Variants in NXN observed in about 807,000 individuals in gnomAD.
The protein encoded by NXN is nucleoredoxin.
A neutral mutation model predicts 48.6 loss-of-function variants in NXN; 16 were observed. That is an observed-to-expected ratio of 0.33 (90% CI 0.22 to 0.50). The LOEUF is 0.50. Among genes scored for constraint, NXN ranks in the 20% least tolerant of loss-of-function variants. The pLI is 0.98. For missense variants in NXN, 492 were observed against 605.5 expected (o/e 0.81, Z 1.97); for synonymous variants, 281 against 269.6 (o/e 1.04, Z -0.41).
chr17:941,334 T>G (rs1379047574), intron 1 of NXN, among the ~76,000 whole-genome samples: 2 of 147,926 alleles, frequency 1.4e-5, no homozygotes, highest in Non-Finnish European at 1.5e-5. Context: ...AGCCATGAAT[T>G]CACCACACAC....
intron 1 of NXN, among the ~76,000 whole-genome samples, chr17:843,997 G>A (rs2067830369): frequency 6.6e-6 from 1 of 152,234 alleles, no homozygotes; most frequent in Admixed American, 6.5e-5. Flanking sequence ...TGTCGCTTTG[G>A]GGAATCTGCT....
chr17:928,517 C>G (rs1202764960), intron 1 of NXN, among the ~76,000 whole-genome samples: 2 of 152,172 alleles, frequency 1.3e-5, no homozygotes, highest in African/African-American at 2.4e-5. Flanking sequence ...GTGCTCATCT[C>G]AACATTATCC....
chr17:853,919 T>A (rs1042104772), intron 1 of NXN, among the ~76,000 whole-genome samples: 13 of 151,642 alleles, frequency 8.6e-5, no homozygotes, highest in South Asian at 2.1e-4. Flanking sequence ...ACGGGGTTTC[T>A]CCATGTTAGC....
At chr17:954,932 CAT>C (rs1211249553) in intron 1 of NXN, among the ~76,000 whole-genome samples, 1 of 152,174 alleles carries the variant, frequency 6.6e-6, no homozygotes. Context: ...AGTGAGGTAA[CAT>C]GTTTGTTTTT....
Position 823,772 on chromosome 17 carries a change from C to T in NXN, c.479-7G>A. On this transcript the variant is annotated splice_region_variant and splice_polypyrimidine_tract_variant and intron_variant, in intron 2 of 7. Transcript: ENST00000336868. Reference sequence around the variant, plus strand: ...CCCCAGGGGAACTCCAGACCTGAAACAGAAAACAGATGGTAAAAGAGGGCT... The same window carrying T: ...CCCCAGGGGAACTCCAGACCTGAAATAGAAAACAGATGGTAAAAGAGGGCT... 1 of 1,614,086 alleles carries T rather than the reference C, an allele frequency of 6.2e-7. No individual in the cohort carries two copies. The highest frequency in any genetic ancestry group is 1.3e-5 in the African/African-American group (1 of 75,024).
intron 1 of NXN, among the ~76,000 whole-genome samples, chr17:891,581 AGTG>A (rs2068416911): frequency 6.6e-6 from 1 of 152,244 alleles, no homozygotes; most frequent in African/African-American, 2.4e-5. Context: ...AAACTGAGGC[AGTG>A]AGAGGCTATG....
At chr17:814,319 G>GCCA (rs1912348095) in intron 5 of NXN, among the ~76,000 whole-genome samples, 2 of 152,076 alleles carry the variant, frequency 1.3e-5, no homozygotes, top group Non-Finnish European at 2.9e-5. Context: ...AGTTTCAGGT[G>GCCA]ACCCCCTGGC....
intron 1 of NXN, chr17:930,000 G>A (rs925700608): frequency 8.6e-5 from 13 of 151,082 alleles, no homozygotes; most frequent in Non-Finnish European, 1.3e-4. Flanking sequence ...AATCAATGAC[G>A]GGGGTTAGAA....
rs1265037984 is a variant in NXN, at chr17:825,573, T to C, written c.478+388A>G. On this transcript the variant is annotated intron_variant, in intron 2 of 7. Coordinates refer to ENST00000336868, the MANE Select transcript of NXN (RefSeq NM_022463.5). The surrounding 1 kb of genome is among the most constrained non-coding windows in gnomAD (Gnocchi z 4.1). ...CGGGGGCTGGGACTTCGCTATGTAA[T>C]GTTTTAAAGAGGAAAAACCCCACTC... The C allele has an allele frequency of 5.6e-6, 1 of 177,670 alleles. No individual in the cohort carries two copies. Among genetic ancestry groups the C allele is most frequent in the Non-Finnish European group, 1.2e-5 (1 of 83,256 alleles). The allele number at this position is 177,670 out of a possible 1,614,324, so 11.0% of individuals were successfully genotyped here. A position where few individuals can be genotyped will look rare whatever the true frequency, so the allele number is the denominator to read the frequency against.
chr17:874,463 C>G (rs555014307), intron 1 of NXN, among the ~76,000 whole-genome samples: 155 of 152,292 alleles, frequency 1.0e-3, no homozygotes, highest in Non-Finnish European at 2.0e-3. Context: ...AGGCACCTGT[C>G]ATCCCAGCTA....
At chr17:812,787 T>G (rs1912187371) in intron 5 of NXN, among the ~76,000 whole-genome samples, 1 of 149,746 alleles carries the variant, frequency 6.7e-6, no homozygotes, top group Non-Finnish European at 1.5e-5. Flanking sequence ...TGTGCATGTG[T>G]GTAGGTGTGT....
rs1189795114 is a variant in NXN at position 841,597 on chromosome 17, T to C, written c.361-15519A>G. Among the ~76,000 whole-genome samples the C allele has an allele frequency of 8.1e-4, 69 of 85,540 alleles. 7 individuals are homozygous for C. The highest frequency in any genetic ancestry group is 4.2e-3 in the African/African-American group (66 of 15,616). 56.1% of individuals were successfully genotyped at this position (85,540 alleles called of 152,430 possible). A position where few individuals can be genotyped will look rare whatever the true frequency, so the allele number is the denominator to read the frequency against. ...GGAGCATCTCACGCCGGCGAGCAGG[T>C]CCCCCCGACCACAGAGCATCTCACA... On this transcript the variant is annotated intron_variant, in intron 1 of 7. Coordinates refer to ENST00000336868, the MANE Select transcript of NXN (RefSeq NM_022463.5).
rs1419840571 is a variant in NXN at position 956,089 on chromosome 17, A to G, written c.360+23230T>C. On this transcript the variant is annotated intron_variant, in intron 1 of 7. Transcript: ENST00000336868. This position sits in a 1 kb window ranked among gnomAD's most constrained non-coding sequence, Gnocchi z 4.1. ...TATCATTCAGTGACTGCATTGTTCAATATTTTGAAATAAGGGCATTTAATT... is the reference window on the plus strand; with the variant it reads ...TATCATTCAGTGACTGCATTGTTCAGTATTTTGAAATAAGGGCATTTAATT... Among the ~76,000 whole-genome samples, 1 of 152,166 alleles carries G rather than the reference A, an allele frequency of 6.6e-6. No homozygotes were observed. Among genetic ancestry groups the G allele is most frequent in the East Asian group, 1.9e-4 (1 of 5,190 alleles).
At chr17:811,970 C>T (rs541390764) in intron 5 of NXN, among the ~76,000 whole-genome samples, 104 of 138,888 alleles carry the variant, frequency 7.5e-4, no homozygotes, top group Non-Finnish European at 1.3e-3. Context: ...CTCTGTCGCC[C>T]AGGCTGGAGT....
chr17:979,436 C>T lies in NXN; in HGVS notation c.243G>A (p.Glu81=), dbSNP rs946552751. ...AGACGATCTCCAGGCGCCGCCGCGG[C>T]TCGGGCTCCGCCGCCGCCCCGGCCC... ...GAGAGAAAEP[E]PRRRLEIVFV... is the part of the protein sequence containing the mutation. Residue 81 remains glutamate (E), a synonymous_variant, in exon 1 of 8, where the codon GAG becomes GAA. Coordinates refer to ENST00000336868, the MANE Select transcript of NXN (RefSeq NM_022463.5). 5 of 1,303,900 alleles carry T rather than the reference C, an allele frequency of 3.8e-6. No homozygotes were observed. The highest frequency in any genetic ancestry group is 2.9e-5 in the Admixed American group (1 of 34,696). The allele number at this position is 1,303,900 out of a possible 1,614,324, so 80.8% of individuals were successfully genotyped here. A position where few individuals can be genotyped will look rare whatever the true frequency, so the allele number is the denominator to read the frequency against.
chr17:870,462 G>A (rs567044562), intron 1 of NXN, among the ~76,000 whole-genome samples: 26 of 152,286 alleles, frequency 1.7e-4, no homozygotes, highest in Admixed American at 1.4e-3. Flanking sequence ...AAAAATCCTG[G>A]CTGAGTTCAG....
intron 1 of NXN, among the ~76,000 whole-genome samples, chr17:881,231 C>T (rs1012239220): frequency 5.3e-5 from 8 of 152,186 alleles, no homozygotes; most frequent in Admixed American, 3.3e-4. Context: ...ACTCCGCTGC[C>T]GGGGACATAA....
At position 825,799 on chromosome 17, in the gene NXN, G is replaced by T; in HGVS notation, c.478+162C>A. 1.7e-6 allele frequency: 1 copy of T among 603,136 alleles called. No individual in the cohort carries two copies. Among genetic ancestry groups the T allele is most frequent in the Non-Finnish European group, 3.0e-6 (1 of 334,212 alleles). The allele number at this position is 603,136 out of a possible 1,614,324, so 37.4% of individuals were successfully genotyped here. A position where few individuals can be genotyped will look rare whatever the true frequency, so the allele number is the denominator to read the frequency against. ...TGAAAATCTTAAAACCATGTCCTAG[G>T]GAATACTATGATTTCACCAAGACGA... On this transcript the variant is annotated intron_variant, in intron 2 of 7. Transcript: ENST00000336868. This position sits in a 1 kb window ranked among gnomAD's most constrained non-coding sequence, Gnocchi z 4.1.
chr17:814,922 C>T (rs113287724), intron 5 of NXN, among the ~76,000 whole-genome samples: 11,740 of 152,200 alleles, frequency 0.077, 606 homozygotes, highest in Middle Eastern at 0.15. Flanking sequence ...ACCACCACCA[C>T]GCCTGGCTAA....
Sources: gnomAD v4.1 joint callset for allele counts (sites outside exome capture counted in the v4.1 genomes callset) on GRCh38, gnomAD v4.1.1 for gene constraint, Gnocchi (gnomAD v3.1) non-coding constraint, MANE v1.5 for transcripts, NCBI Gene and HGNC (gene_info 2026-07-23, HGNC 2026-07-21) for gene names.